SRPK2: variants seen among roughly 807,000 people sequenced by gnomAD.
The protein encoded by SRPK2 is SFRS protein kinase 2.
SRPK2 carries 21 observed loss-of-function variants against 90.8 expected under a neutral mutation model. The ratio of observed to expected loss-of-function variants is 0.23; its 90% confidence interval spans 0.16 to 0.33. The LOEUF is 0.33. SRPK2 is among the 10% of genes least tolerant of loss of function. The pLI, the probability that SRPK2 is intolerant of heterozygous loss-of-function variation, is 1.00. For synonymous variants in SRPK2, 288 were observed against 311.1 expected, an observed-to-expected ratio of 0.93 and a Z score of 0.78; for missense variants, 620 against 869.0, an observed-to-expected ratio of 0.71 and a Z score of 3.60.
At chr7:105,282,368 TAGA>T (rs1388577664) in intron 2 of SRPK2, among the ~76,000 whole-genome samples, 2 of 152,190 alleles carry the variant, frequency 1.3e-5, no homozygotes, top group Non-Finnish European at 2.9e-5. Context: ...ATTAAACTCT[TAGA>T]AGAAGACATA....
At chr7:105,324,510 GCT>G (rs1339407734) in intron 2 of SRPK2, among the ~76,000 whole-genome samples, 2 of 152,188 alleles carry the variant, frequency 1.3e-5, no homozygotes, top group African/African-American at 4.8e-5. Flanking sequence ...AGAAAATCTA[GCT>G]AATGAATGTG....
At chr7:105,251,459 C>T (rs1157318276) in intron 2 of SRPK2, among the ~76,000 whole-genome samples, 3 of 152,144 alleles carry the variant, frequency 2.0e-5, no homozygotes, top group East Asian at 3.9e-4. Context: ...CTGCCTTGGC[C>T]TCCCAAAGTG....
chr7:105,146,071 A>G (rs1804581570), intron 8 of SRPK2, among the ~76,000 whole-genome samples: 1 of 152,188 alleles, frequency 6.6e-6, no homozygotes, highest in Admixed American at 6.5e-5. Flanking sequence ...TTTTCTAACT[A>G]ACTCCAAATC....
At chr7:105,191,218 G>GA (rs1794235835) in intron 3 of SRPK2, among the ~76,000 whole-genome samples, 2 of 152,104 alleles carry the variant, frequency 1.3e-5, no homozygotes, top group African/African-American at 4.8e-5. Context: ...GATATCCAAT[G>GA]CAAAAAAGAA....
At chr7:105,357,739 C>T (rs561250613) in intron 2 of SRPK2, among the ~76,000 whole-genome samples, 5 of 150,620 alleles carry the variant, frequency 3.3e-5, no homozygotes, top group African/African-American at 9.8e-5. Context: ...AGCAAGACTC[C>T]GTCTCAAAAA....
chr7:105,342,413 T>C (rs902519171), intron 2 of SRPK2, among the ~76,000 whole-genome samples: 9 of 151,800 alleles, frequency 5.9e-5, no homozygotes, highest in African/African-American at 2.2e-4. Flanking sequence ...ATCTGAAACA[T>C]TCCTAGGACT....
chr7:105,190,452 CTCAAAGGCTTG>C (rs1328618143), intron 3 of SRPK2, among the ~76,000 whole-genome samples: 1 of 152,138 alleles, frequency 6.6e-6, no homozygotes, highest in African/African-American at 2.4e-5. Flanking sequence ...CATTAAATTT[CTCAAAGGCTTG>C]TCATTGAACA....
intron 2 of SRPK2, among the ~76,000 whole-genome samples, chr7:105,312,202 G>A (rs1397149018): frequency 6.6e-6 from 1 of 152,166 alleles, no homozygotes; most frequent in African/African-American, 2.4e-5. Context: ...AGAACTTTGG[G>A]AGGCCAAGGT....
At chr7:105,158,113 G>A (rs898280284) in intron 7 of SRPK2, among the ~76,000 whole-genome samples, 2 of 151,958 alleles carry the variant, frequency 1.3e-5, no homozygotes, top group African/African-American at 2.4e-5. Flanking sequence ...TTTAATCTTC[G>A]GTTCATTCAA....
intron 2 of SRPK2, among the ~76,000 whole-genome samples, chr7:105,358,689 A>T (rs1171556069): frequency 1.3e-5 from 2 of 152,188 alleles, no homozygotes; most frequent in Non-Finnish European, 2.9e-5. Flanking sequence ...CCCTGTCTCA[A>T]AAAAGAAAAG....
At chr7:105,351,037 G>T (rs1817111964) in intron 2 of SRPK2, among the ~76,000 whole-genome samples, 1 of 152,142 alleles carries the variant, frequency 6.6e-6, no homozygotes, top group Non-Finnish European at 1.5e-5. Flanking sequence ...TCCCCAATGT[G>T]GGTATTATGA....
chr7:105,276,956 C>T (rs1277388657), intron 2 of SRPK2, among the ~76,000 whole-genome samples: 1 of 152,174 alleles, frequency 6.6e-6, no homozygotes, highest in Admixed American at 6.6e-5. Flanking sequence ...CCTCTCCCAT[C>T]CTAACTCTAC....
At chr7:105,150,507 C>T (rs1279576338) in intron 7 of SRPK2, among the ~76,000 whole-genome samples, 2 of 152,166 alleles carry the variant, frequency 1.3e-5, no homozygotes, top group African/African-American at 2.4e-5. Context: ...CAGAATAAAA[C>T]TCTGTCTAAA....
intron 2 of SRPK2, among the ~76,000 whole-genome samples, chr7:105,291,209 G>GAGCACTTTCT (rs1808969610): frequency 6.6e-6 from 1 of 152,198 alleles, no homozygotes; most frequent in African/African-American, 2.4e-5. Flanking sequence ...GATGATGGCA[G>GAGCACTTTCT]GGGCCTGTTC....
intron 2 of SRPK2, among the ~76,000 whole-genome samples, chr7:105,336,776 T>C (rs1365595289): frequency 6.6e-6 from 1 of 152,196 alleles, no homozygotes; most frequent in Non-Finnish European, 1.5e-5. Flanking sequence ...CTACAGTAAC[T>C]GTGGAAATGT....
intron 2 of SRPK2, among the ~76,000 whole-genome samples, chr7:105,308,545 A>C (rs898700508): frequency 6.6e-6 from 1 of 152,164 alleles, no homozygotes; most frequent in Non-Finnish European, 1.5e-5. Context: ...CATTCTCATG[A>C]CTACCAAGAA....
intron 2 of SRPK2, among the ~76,000 whole-genome samples, chr7:105,220,516 C>T (rs533431350): frequency 1.3e-5 from 2 of 152,060 alleles, no homozygotes; most frequent in South Asian, 4.1e-4. Flanking sequence ...CAGAGCGAGA[C>T]TCCATCTCAA....
intron 2 of SRPK2, among the ~76,000 whole-genome samples, chr7:105,300,579 C>T (rs1366153275): frequency 6.6e-6 from 1 of 152,072 alleles, no homozygotes; most frequent in African/African-American, 2.4e-5. Context: ...CTGAGTACAA[C>T]CTACAGAATG....
At chr7:105,186,533 C>G (rs1793599764) in intron 3 of SRPK2, among the ~76,000 whole-genome samples, 3 of 152,208 alleles carry the variant, frequency 2.0e-5, no homozygotes, top group African/African-American at 7.2e-5. Context: ...ATTTCATTCT[C>G]TATGGCTGCT....
Sources: allele counts gnomAD v4.1 joint callset (sites outside exome capture counted in the v4.1 genomes callset), GRCh38; gene constraint gnomAD v4.1.1; transcripts MANE v1.5; gene names NCBI Gene and HGNC (gene_info 2026-07-23, HGNC 2026-07-21).